PCDHGA4: variants seen among roughly 807,000 people sequenced by gnomAD.
The protein encoded by PCDHGA4 is protocadherin gamma subfamily A, 4, also known as protocadherin gamma-A4.
Under a neutral mutation model 54.6 loss-of-function variants are expected in PCDHGA4, and 38 were observed. That is an observed-to-expected ratio of 0.70 (90% CI 0.54 to 0.91). The LOEUF (loss-of-function observed/expected upper bound fraction) is 0.91, where lower values mean the gene tolerates loss of function less well. Among genes scored for constraint, PCDHGA4 ranks in the 40% least tolerant of loss-of-function variants. The probability of loss-of-function intolerance (pLI) is 0.00; values close to 1 mark genes in which losing one functional copy is unlikely to be tolerated. For missense variants in PCDHGA4, 1,298 were observed against 1,220.9 expected (o/e 1.06, Z -0.94); for synonymous variants, 511 against 512.9 (o/e 1.00, Z 0.05).
intron 1 of PCDHGA4, chr5:141,375,368 A>T (rs774708513): frequency 6.2e-7 from 1 of 1,613,754 alleles, no homozygotes; most frequent in Non-Finnish European, 8.5e-7. Context: ...GGACAAAGGA[A>T]CACCACCTCT....
chr5:141,371,361 G>C, intron 1 of PCDHGA4: 1 of 1,613,976 alleles, frequency 6.2e-7, no homozygotes, highest in Non-Finnish European at 8.5e-7. Context: ...GGAAGCAAAG[G>C]ATGGTGGACA....
intron 1 of PCDHGA4, chr5:141,409,175 G>T: frequency 6.2e-7 from 1 of 1,614,008 alleles, no homozygotes; most frequent in Non-Finnish European, 8.5e-7. Flanking sequence ...GAAGGACGGA[G>T]GTGGTCTCTC....
chr5:141,376,315 A>T, intron 1 of PCDHGA4: 2 of 1,614,178 alleles, frequency 1.2e-6, no homozygotes, highest in Non-Finnish European at 1.7e-6. Flanking sequence ...TGGGCGTGGA[A>T]GGGGTTCGGG....
intron 1 of PCDHGA4, among the ~76,000 whole-genome samples, chr5:141,474,405 GT>G (rs2099348889): frequency 6.6e-6 from 1 of 152,196 alleles, no homozygotes; most frequent in African/African-American, 2.4e-5. Flanking sequence ...AAGCTCCCCG[GT>G]GATGCCTAGA....
chr5:141,482,144 G>A (rs564178008), intron 1 of PCDHGA4, among the ~76,000 whole-genome samples: 2 of 151,756 alleles, frequency 1.3e-5, no homozygotes, highest in African/African-American at 2.4e-5. Flanking sequence ...GGCATAAAAA[G>A]GTCAAGTCAA....
At chr5:141,389,227 C>A (rs1412412051) in intron 1 of PCDHGA4, 1 of 1,613,906 alleles carries the variant, frequency 6.2e-7, no homozygotes, top group Non-Finnish European at 8.5e-7. Context: ...GACAACGCTC[C>A]GGTTTTCTCA....
intron 1 of PCDHGA4, among the ~76,000 whole-genome samples, chr5:141,463,135 C>T (rs1352400365): frequency 6.6e-6 from 1 of 152,246 alleles, no homozygotes; most frequent in Middle Eastern, 3.4e-3. Context: ...GGCAGTTCTT[C>T]GCCCAGCTGC....
intron 1 of PCDHGA4, chr5:141,385,778 T>C (rs2150299874): frequency 6.2e-6 from 1 of 161,798 alleles, no homozygotes; most frequent in East Asian, 1.9e-4. Context: ...TGCCTCCATG[T>C]ACCTCAGCTT....
rs745435492 is a variant in PCDHGA4, at chr5:141,489,215, A to G, written c.2515-5592A>G. The G allele has an allele frequency of 4.1e-6, 6 of 1,475,362 alleles. No homozygotes were observed. Among genetic ancestry groups the G allele is most frequent in the Non-Finnish European group, 5.5e-6 (6 of 1,093,140 alleles). 91.4% of individuals were successfully genotyped at this position (1,475,362 alleles called of 1,614,324 possible). A position where few individuals can be genotyped will look rare whatever the true frequency, so the allele number is the denominator to read the frequency against. ...CTTGGAGACAGGACAGCACAGACTT[A>G]CTCTCCACAAAGGGACTTCTGGGTC... On this transcript the variant is annotated intron_variant, in intron 1 of 3. Coordinates refer to ENST00000571252, the MANE Select transcript of PCDHGA4 (RefSeq NM_018917.4). The surrounding 1 kb of genome is among the most constrained non-coding windows in gnomAD (Gnocchi z 4.5).
intron 1 of PCDHGA4, chr5:141,393,472 C>A: frequency 6.2e-7 from 1 of 1,614,024 alleles, no homozygotes; most frequent in Non-Finnish European, 8.5e-7. Context: ...GGCGGCAAGC[C>A]GCCTCGCTCT....
chr5:141,394,761 G>A, intron 1 of PCDHGA4: 1 of 1,613,428 alleles, frequency 6.2e-7, no homozygotes, highest in South Asian at 1.1e-5. Context: ...CCAGGACCAT[G>A]GCCAGCCCCC....
intron 1 of PCDHGA4, chr5:141,393,423 G>A: frequency 1.2e-6 from 2 of 1,614,040 alleles, no homozygotes; most frequent in South Asian, 2.2e-5. Flanking sequence ...GGACAGGGAG[G>A]AAGAGGCTGC....
At chr5:141,392,957 C>T in intron 1 of PCDHGA4, 1 of 1,613,932 alleles carries the variant, frequency 6.2e-7, no homozygotes, top group Non-Finnish European at 8.5e-7. Flanking sequence ...TGGGTAATAT[C>T]TCCAAGGACC....
intron 3 of PCDHGA4, 149 bp downstream of exon 3, chr5:141,505,630 A>T: frequency 6.8e-7 from 1 of 1,480,262 alleles, no homozygotes; most frequent in East Asian, 2.4e-5. Flanking sequence ...AATTCCAAAC[A>T]TAAAGCCTGG....
At chr5:141,361,236 C>G (rs373083462) in intron 1 of PCDHGA4, 88 of 1,613,828 alleles carry the variant, frequency 5.5e-5, no homozygotes, top group Non-Finnish European at 7.2e-5. Flanking sequence ...CAGTGATCGC[C>G]TTGATAAAAA....
At chr5:141,502,216 A>G (rs957759583) in intron 2 of PCDHGA4, among the ~76,000 whole-genome samples, 3 of 152,334 alleles carry the variant, frequency 2.0e-5, no homozygotes, top group Admixed American at 6.5e-5. Context: ...GCAGATTTTC[A>G]TAAATGTTCT....
At position 141,512,630 on chromosome 5, in the gene PCDHGA4, G is replaced by C. The variant is rs1335322474; in HGVS notation, c.*1457G>C. On this transcript the variant is annotated 3_prime_UTR_variant, in exon 4 of 4. Transcript: ENST00000571252. ...GGGGCTGCCAGAGAACCCCAGACCT[G>C]CCCTTACAGTAGTGTAGCGCCCCCT... The C allele has an allele frequency of 6.5e-6, 1 of 152,888 alleles. No individual in the cohort carries two copies. Among genetic ancestry groups the C allele is most frequent in the Non-Finnish European group, 1.5e-5 (1 of 68,576 alleles). 9.5% of individuals were successfully genotyped at this position (152,888 alleles called of 1,614,324 possible).
At chr5:141,390,732 G>T in intron 1 of PCDHGA4, 1 of 194,114 alleles carries the variant, frequency 5.2e-6, no homozygotes, top group Non-Finnish European at 1.1e-5. Context: ...TAACTGGTAT[G>T]GTCTCCATAG....
chr5:141,368,540 AT>A (rs34785174), intron 1 of PCDHGA4, among the ~76,000 whole-genome samples: 1 of 152,116 alleles, frequency 6.6e-6, no homozygotes, highest in Middle Eastern at 3.4e-3. Context: ...TTGCTTTTCC[AT>A]TTTTTTTAAA....
Sources: allele counts gnomAD v4.1 joint callset (sites outside exome capture counted in the v4.1 genomes callset), GRCh38; gene constraint gnomAD v4.1.1; non-coding constraint Gnocchi (gnomAD v3.1); transcripts MANE v1.5; gene names NCBI Gene and HGNC (gene_info 2026-07-23, HGNC 2026-07-21).